Variants in PDE4B observed in about 807,000 individuals in gnomAD.
PDE4B encodes the protein phosphodiesterase 4B.
Under a neutral mutation model 82.2 loss-of-function variants are expected in PDE4B, and 20 were observed. That is an observed-to-expected ratio of 0.24 (90% CI 0.17 to 0.35). PDE4B has a LOEUF of 0.35. PDE4B is among the 10% of genes least tolerant of loss of function. PDE4B has a pLI of 1.00. For missense variants in PDE4B, 655 were observed against 907.2 expected (o/e 0.72, Z 3.57); for synonymous variants, 320 against 318.9 (o/e 1.00, Z -0.04).
chr1:65,991,530 C>G (rs1374857055), intron 3 of PDE4B, among the ~76,000 whole-genome samples: 2 of 152,110 alleles, frequency 1.3e-5, no homozygotes, highest in Admixed American at 6.6e-5. Context: ...CTTTGTCAAA[C>G]TTATTTGAGA....
intron 3 of PDE4B, among the ~76,000 whole-genome samples, chr1:66,204,894 A>C (rs1019538448): frequency 2.6e-5 from 4 of 152,184 alleles, no homozygotes; most frequent in Non-Finnish European, 5.9e-5. Flanking sequence ...AGATGAACCC[A>C]GTACCTCAGA....
chr1:65,973,762 C>T (rs536174923), intron 3 of PDE4B, among the ~76,000 whole-genome samples: 1 of 152,054 alleles, frequency 6.6e-6, no homozygotes, highest in East Asian at 1.9e-4. Flanking sequence ...TAATCTAAAG[C>T]ATACAAAACA....
Position 66,372,459 on chromosome 1 carries a change from G to A in PDE4B, c.1992G>A (p.Leu664=), listed in dbSNP as rs998126723. 3 of 1,613,984 alleles carry A rather than the reference G, an allele frequency of 1.9e-6. No homozygotes were observed. The African/African-American group carries it at 4.0e-5, about 22-fold the overall frequency. ...SMIPQSPSPP[L]DEQNRDCQGL... is the part of the protein sequence containing the mutation. ...TACCTCAAAGTCCCTCACCACCACT[G>A]GACGAGCAGAACAGGGACTGCCAGG... The change falls in exon 17 of 17, where the codon CTG becomes CTA. Residue 664 remains leucine (L), a synonymous_variant. Transcript: ENST00000341517.
intron 2 of PDE4B, among the ~76,000 whole-genome samples, chr1:65,914,581 G>A (rs1325740949): frequency 6.9e-6 from 1 of 144,800 alleles, no homozygotes; most frequent in Non-Finnish European, 1.5e-5. Flanking sequence ...AAAACTTCTG[G>A]AATTTAGAAA....
intron 3 of PDE4B, among the ~76,000 whole-genome samples, chr1:66,130,564 G>A (rs1034316248): frequency 1.3e-5 from 2 of 152,164 alleles, no homozygotes; most frequent in Admixed American, 1.3e-4. Context: ...GGCAGTCAAA[G>A]CCTCTTATAT....
intron 1 of PDE4B, among the ~76,000 whole-genome samples, chr1:65,819,742 G>T (rs943019562): frequency 6.6e-6 from 1 of 151,930 alleles, no homozygotes. Context: ...CTCATGATCC[G>T]CCTGCCTCGG....
At chr1:65,812,549 AT>A (rs901623673) in intron 1 of PDE4B, among the ~76,000 whole-genome samples, 1 of 152,176 alleles carries the variant, frequency 6.6e-6, no homozygotes, top group African/African-American at 2.4e-5. Context: ...CAGGGTGGAA[AT>A]TCATTGTTTT....
At chr1:65,804,644 T>A (rs1017335693) in intron 1 of PDE4B, among the ~76,000 whole-genome samples, 2 of 152,118 alleles carry the variant, frequency 1.3e-5, no homozygotes, top group East Asian at 3.9e-4. Flanking sequence ...AGGGGAATTG[T>A]GGCTGCCAAA....
intron 3 of PDE4B, among the ~76,000 whole-genome samples, chr1:66,092,674 G>A (rs1645047455): frequency 6.6e-6 from 1 of 152,040 alleles, no homozygotes; most frequent in Admixed American, 6.6e-5. Flanking sequence ...AACCTCTTCT[G>A]ATCTGGGGGT....
chr1:65,967,438 A>G (rs898661404), intron 3 of PDE4B, among the ~76,000 whole-genome samples: 13 of 152,180 alleles, frequency 8.5e-5, no homozygotes, highest in African/African-American at 3.1e-4. Context: ...ACTGTTGGTG[A>G]GAGTGTAAAT....
At chr1:66,368,462 T>G (rs1304673174) in intron 15 of PDE4B, among the ~76,000 whole-genome samples, 1 of 152,200 alleles carries the variant, frequency 6.6e-6, no homozygotes, top group Non-Finnish European at 1.5e-5. Context: ...AGTTATCTAC[T>G]TTGAGTAATT....
At chr1:65,833,147 A>G (rs1183931477) in intron 1 of PDE4B, among the ~76,000 whole-genome samples, 1 of 152,222 alleles carries the variant, frequency 6.6e-6, no homozygotes. Flanking sequence ...ATTGATACAA[A>G]GATGTATGTC....
chr1:66,365,861 G>T, intron 13 of PDE4B, 95 bp downstream of exon 13: 1 of 649,196 alleles, frequency 1.5e-6, no homozygotes, highest in Non-Finnish European at 2.6e-6. Flanking sequence ...TAATCACAAG[G>T]ATAATAATGA....
At chr1:65,812,721 A>G (rs1436215892) in intron 1 of PDE4B, among the ~76,000 whole-genome samples, 1 of 152,116 alleles carries the variant, frequency 6.6e-6, no homozygotes, top group Non-Finnish European at 1.5e-5. Flanking sequence ...GACTGAGGGG[A>G]CGACTGTCTC....
At chr1:66,184,489 G>T (rs993114948) in intron 3 of PDE4B, among the ~76,000 whole-genome samples, 1 of 152,138 alleles carries the variant, frequency 6.6e-6, no homozygotes, top group Non-Finnish European at 1.5e-5. Flanking sequence ...AAAGCTATGG[G>T]TTAGAACCAA....
At chr1:66,151,128 T>G (rs897827957) in intron 3 of PDE4B, among the ~76,000 whole-genome samples, 1 of 152,208 alleles carries the variant, frequency 6.6e-6, no homozygotes, top group Non-Finnish European at 1.5e-5. Context: ...CTTCTTTAAA[T>G]GTTGGATATA....
intron 3 of PDE4B, among the ~76,000 whole-genome samples, chr1:66,116,349 T>C (rs1478387560): frequency 6.6e-6 from 1 of 152,190 alleles, no homozygotes; most frequent in African/African-American, 2.4e-5. Context: ...AGTCCTAGCT[T>C]TAGCATAATG....
intron 3 of PDE4B, among the ~76,000 whole-genome samples, chr1:65,956,160 T>C (rs1649246707): frequency 6.6e-6 from 1 of 152,128 alleles, no homozygotes; most frequent in African/African-American, 2.4e-5. Context: ...AACCTATAAA[T>C]GGTATGCTGA....
At chr1:66,255,937 G>A (rs918160171) in intron 4 of PDE4B, among the ~76,000 whole-genome samples, 2 of 152,180 alleles carry the variant, frequency 1.3e-5, no homozygotes, top group Non-Finnish European at 2.9e-5. Context: ...GGCCAAAGTG[G>A]GCCGATTGCT....
Sources: allele counts gnomAD v4.1 joint callset (sites outside exome capture counted in the v4.1 genomes callset), GRCh38; gene constraint gnomAD v4.1.1; transcripts MANE v1.5; gene names NCBI Gene and HGNC (gene_info 2026-07-23, HGNC 2026-07-21).